The following RIPK2 variants were observed in gnomAD, a reference collection of about 807,000 sequenced individuals.
RIPK2 encodes the protein receptor-interacting serine/threonine-protein kinase 2.
RIPK2 carries 38 observed loss-of-function variants against 60.9 expected under a neutral mutation model. The observed-to-expected ratio is 0.62, with a 90% confidence interval of 0.48 to 0.82. The LOEUF is 0.82. Ranked by LOEUF, RIPK2 falls within the 40% of genes least tolerant of loss-of-function variation. The pLI is 0.00. For missense variants in RIPK2, 518 were observed against 647.0 expected (o/e 0.80, Z 2.16); for synonymous variants, 225 against 223.4 (o/e 1.01, Z -0.06).
intron 8 of RIPK2, 82 bp downstream of exon 8, chr8:89,784,221 CTTCTT>C: frequency 2.4e-6 from 2 of 842,006 alleles, no homozygotes; most frequent in South Asian, 4.6e-5. Flanking sequence ...GGTCTAAGCC[CTTCTT>C]TTATAGAAGG....
In RIPK2 at chr8:89,780,112, T is replaced by G. The variant is rs1356110352; in HGVS notation, c.891T>G (p.Phe297Leu). The change falls in exon 7 of 11, where the codon TTT (phenylalanine) becomes TTG (leucine). Residue 297 changes from phenylalanine (F) to leucine (L), a missense_variant. Physicochemically the swap from Phe to Leu is conservative, Grantham distance 22. Transcript: ENST00000220751. ...AACTTGAACCAGTTTTGAGAACATT[T>G]GAAGAGATAACTTTTCTTGAAGCTG... ...LIELEPVLRT[F>L]EEITFLEAVI... is the part of the protein sequence containing the mutation. The G allele has an allele frequency of 1.3e-6, 2 of 1,573,910 alleles. No individual in the cohort carries two copies. Among genetic ancestry groups the G allele is most frequent in the Admixed American group, 1.8e-5 (1 of 56,736 alleles).
intron 2 of RIPK2, among the ~76,000 whole-genome samples, chr8:89,764,863 A>G (rs139887783): frequency 1.3e-5 from 2 of 152,264 alleles, no homozygotes; most frequent in East Asian, 3.9e-4. Context: ...ATTATAATGT[A>G]TGATTTTATA....
chr8:89,759,132 A>G (rs1487079642), intron 1 of RIPK2, among the ~76,000 whole-genome samples: 2 of 152,248 alleles, frequency 1.3e-5, no homozygotes, highest in African/African-American at 2.4e-5. Flanking sequence ...TTTTGCCACA[A>G]TAAATTGAAC....
At chr8:89,769,733 A>T in intron 3 of RIPK2, 39 bp from the exon 4 acceptor site, 1 of 1,449,938 alleles carries the variant, frequency 6.9e-7, no homozygotes, top group South Asian at 1.5e-5. Context: ...GACTTTTTAA[A>T]GAGGAAATTT....
intron 6 of RIPK2, among the ~76,000 whole-genome samples, chr8:89,778,072 T>TA (rs1809430993): frequency 6.6e-6 from 1 of 151,654 alleles, no homozygotes; most frequent in African/African-American, 2.4e-5. Flanking sequence ...GAAATTTTAA[T>TA]AAAAAAATAA....
intron 8 of RIPK2, among the ~76,000 whole-genome samples, chr8:89,784,594 T>C (rs1809555221): frequency 6.6e-6 from 1 of 152,192 alleles, no homozygotes; most frequent in Admixed American, 6.5e-5. Context: ...TAAGAATGTA[T>C]ATGTATGTTC....
chr8:89,759,525 C>T (rs1205822518), intron 1 of RIPK2: 2 of 406,088 alleles, frequency 4.9e-6, no homozygotes, highest in Non-Finnish European at 1.0e-5. Context: ...TGTGGCTTTT[C>T]TTCATTGTCT....
chr8:89,759,944 T>C (rs1258705557), intron 1 of RIPK2, among the ~76,000 whole-genome samples: 3 of 152,246 alleles, frequency 2.0e-5, no homozygotes, highest in Non-Finnish European at 2.9e-5. Flanking sequence ...TGAACAATTT[T>C]CATAGTCTAA....
chr8:89,785,443 CAA>C (rs371898810), intron 8 of RIPK2, among the ~76,000 whole-genome samples: 2,046 of 142,702 alleles, frequency 0.014, 53 homozygotes, highest in African/African-American at 0.049. Context: ...GACTCCACCT[CAA>C]AAAAAAAAAC....
At chr8:89,758,315 C>A in intron 1 of RIPK2, 82 bp downstream of exon 1, 1 of 1,398,946 alleles carries the variant, frequency 7.1e-7, no homozygotes, top group Non-Finnish European at 9.5e-7. Flanking sequence ...CTCTAGAGCC[C>A]AAATGGCAGT....
At chr8:89,783,000 T>C (rs1809525037) in intron 7 of RIPK2, among the ~76,000 whole-genome samples, 1 of 152,216 alleles carries the variant, frequency 6.6e-6, no homozygotes, top group African/African-American at 2.4e-5. Context: ...AAGGGTCATA[T>C]AACAATATGT....
chr8:89,782,684 A>G (rs1809520660), intron 7 of RIPK2, among the ~76,000 whole-genome samples: 1 of 151,934 alleles, frequency 6.6e-6, no homozygotes, highest in Non-Finnish European at 1.5e-5. Context: ...ATTAGTAGGG[A>G]AATTTGTTTT....
intron 1 of RIPK2, 30 bp downstream of exon 1, chr8:89,758,263 G>A: frequency 3.2e-6 from 5 of 1,566,814 alleles, no homozygotes; most frequent in Non-Finnish European, 4.3e-6. Flanking sequence ...CCCTGGAAGA[G>A]CCCTCAACTC....
chr8:89,781,062 T>A (rs543117699), intron 7 of RIPK2, among the ~76,000 whole-genome samples: 1 of 151,910 alleles, frequency 6.6e-6, no homozygotes, highest in South Asian at 2.1e-4. Context: ...GGGATATAGG[T>A]TTCATTAAAT....
intron 9 of RIPK2, among the ~76,000 whole-genome samples, chr8:89,788,258 A>G (rs532381801): frequency 6.6e-6 from 1 of 151,910 alleles, no homozygotes; most frequent in South Asian, 2.1e-4. Context: ...CACAAGAATC[A>G]CTTGAACCTG....
intron 5 of RIPK2, 63 bp downstream of exon 5, chr8:89,771,853 A>G (rs1809318434): frequency 2.0e-6 from 2 of 1,003,732 alleles, no homozygotes; most frequent in East Asian, 4.8e-5. Flanking sequence ...TCTCAGAACT[A>G]TCTAAAAATC....
At chr8:89,759,729 G>A (rs1809114183) in intron 1 of RIPK2, among the ~76,000 whole-genome samples, 1 of 152,238 alleles carries the variant, frequency 6.6e-6, no homozygotes, top group African/African-American at 2.4e-5. Flanking sequence ...ACTTTTAAGG[G>A]TGGTGGTTGG....
intron 6 of RIPK2, among the ~76,000 whole-genome samples, chr8:89,777,808 A>C (rs931305360): frequency 6.6e-6 from 1 of 152,174 alleles, no homozygotes; most frequent in African/African-American, 2.4e-5. Context: ...CTGCCTATAC[A>C]GCCTGTCAGT....
At chr8:89,774,316 T>C (rs1225470784) in intron 6 of RIPK2, among the ~76,000 whole-genome samples, 2 of 152,082 alleles carry the variant, frequency 1.3e-5, no homozygotes, top group Non-Finnish European at 2.9e-5. Flanking sequence ...TATTAGTCAT[T>C]TGGAAATGCA....
Sources: allele counts gnomAD v4.1 joint callset (sites outside exome capture counted in the v4.1 genomes callset), GRCh38; gene constraint gnomAD v4.1.1; transcripts MANE v1.5; gene names NCBI Gene and HGNC (gene_info 2026-07-23, HGNC 2026-07-21).